Variants in MRRF observed in about 807,000 individuals in gnomAD.
MRRF encodes mitochondrial ribosome recycling factor.
Under a neutral mutation model 25.1 loss-of-function variants are expected in MRRF, and 18 were observed. The ratio of observed to expected loss-of-function variants is 0.72; its 90% CI spans 0.50 to 1.06. The LOEUF (loss-of-function observed/expected upper bound fraction) is 1.06. MRRF is among the 50% of genes least tolerant of loss of function. The pLI, the probability that MRRF is intolerant of heterozygous loss-of-function variation, is 0.00. For synonymous variants in MRRF, 113 were observed against 112.1 expected (o/e 1.01, Z -0.05); for missense variants, 323 against 319.3 (o/e 1.01, Z -0.09).
intron 4 of MRRF, among the ~76,000 whole-genome samples, chr9:122,290,035 C>T (rs1833659262): frequency 6.9e-6 from 1 of 145,118 alleles, no homozygotes. Context: ...GCCTGAGTGA[C>T]AGAGTGAGAC....
At position 122,327,967 on chromosome 9, in the gene MRRF, C is replaced by T. The variant is rs186746604; in HGVS notation, c.*5350C>T. ...TTGTAAAATATACATAAAATTTACT[C>T]TCTTAACCATGTTTTTTTTTTAGAC... On this transcript the variant is annotated 3_prime_UTR_variant, in exon 7 of 7. Coordinates refer to ENST00000344641, the MANE Select transcript of MRRF (RefSeq NM_138777.5). 2 of 150,566 alleles carry T rather than the reference C, an allele frequency of 1.3e-5. No individual in the cohort carries two copies. The highest frequency in any genetic ancestry group is 1.3e-4 in the Admixed American group (2 of 15,064). 9.3% of individuals were successfully genotyped at this position (150,566 alleles called of 1,614,324 possible). A position where few individuals can be genotyped will look rare whatever the true frequency, so the allele number is the denominator to read the frequency against.
chr9:122,276,489 T>C (rs1832784106), intron 2 of MRRF, among the ~76,000 whole-genome samples: 1 of 152,216 alleles, frequency 6.6e-6, no homozygotes. Context: ...TTTATTATGG[T>C]CATTTCTCAA....
chr9:122,273,724 A>G (rs1832607168), intron 2 of MRRF, among the ~76,000 whole-genome samples: 1 of 152,202 alleles, frequency 6.6e-6, no homozygotes, highest in South Asian at 2.1e-4. Context: ...TCTCACTGTA[A>G]GGATAGATAA....
At chr9:122,297,471 TA>T (rs948623914) in intron 5 of MRRF, among the ~76,000 whole-genome samples, 19 of 146,916 alleles carry the variant, frequency 1.3e-4, no homozygotes, top group Non-Finnish European at 2.0e-4. Flanking sequence ...GTTCTGTACC[TA>T]AAAAAAAAAA....
intron 2 of MRRF, among the ~76,000 whole-genome samples, chr9:122,275,083 CAT>C (rs771313227): frequency 4.0e-5 from 6 of 149,236 alleles, no homozygotes; most frequent in African/African-American, 9.9e-5. Context: ...CATTATCTTA[CAT>C]AGTTACCTCC....
At chr9:122,268,556 C>T (rs575595970) in intron 1 of MRRF, among the ~76,000 whole-genome samples, 11 of 152,330 alleles carry the variant, frequency 7.2e-5, no homozygotes, top group Non-Finnish European at 1.3e-4. Context: ...TGGCTATTAG[C>T]TCCATGTCCT....
intron 2 of MRRF, among the ~76,000 whole-genome samples, chr9:122,275,017 A>G (rs1024226079): frequency 3.3e-5 from 5 of 150,010 alleles, no homozygotes; most frequent in Non-Finnish European, 7.4e-5. Flanking sequence ...TATTATAAAC[A>G]TGATGCTTTG....
At chr9:122,322,282 G>A (rs1263961264) in intron 6 of MRRF, among the ~76,000 whole-genome samples, 1 of 151,850 alleles carries the variant, frequency 6.6e-6, no homozygotes, top group African/African-American at 2.4e-5. Context: ...AGAATGGCGT[G>A]AACACAGGAG....
chr9:122,285,607 G>A (rs147379144), intron 4 of MRRF: 13 of 484,006 alleles, frequency 2.7e-5, no homozygotes, highest in African/African-American at 2.2e-4. Context: ...CCTTGTGTGA[G>A]TGGAATGCCT....
chr9:122,291,599 A>C (rs1336081864), intron 4 of MRRF, 150 bp from the exon 5 acceptor site: 1 of 694,302 alleles, frequency 1.4e-6, no homozygotes. Context: ...TGATCAAAGC[A>C]CTCTACACCA....
intron 1 of MRRF, among the ~76,000 whole-genome samples, chr9:122,266,955 A>T (rs1368352384): frequency 6.6e-6 from 1 of 151,872 alleles, no homozygotes; most frequent in Non-Finnish European, 1.5e-5. Context: ...CTGTAATCCC[A>T]GCTATTTGGG....
At chr9:122,297,826 T>A (rs1260588670) in intron 5 of MRRF, among the ~76,000 whole-genome samples, 1 of 152,146 alleles carries the variant, frequency 6.6e-6, no homozygotes, top group African/African-American at 2.4e-5. Context: ...CAGAAAACCA[T>A]CTGCAACACA....
At chr9:122,279,530 CAG>C (rs1832969278) in intron 2 of MRRF, among the ~76,000 whole-genome samples, 1 of 152,156 alleles carries the variant, frequency 6.6e-6, no homozygotes, top group Non-Finnish European at 1.5e-5. Context: ...AATGAATAAA[CAG>C]TGTAAATATT....
At chr9:122,284,812 A>C (rs557350120) in intron 3 of MRRF, among the ~76,000 whole-genome samples, 2 of 152,260 alleles carry the variant, frequency 1.3e-5, no homozygotes, top group East Asian at 1.9e-4. Context: ...TTGAGACAAG[A>C]TCTCACTCTG....
chr9:122,304,415 T>C (rs1834700619), intron 5 of MRRF, among the ~76,000 whole-genome samples: 1 of 152,206 alleles, frequency 6.6e-6, no homozygotes, highest in South Asian at 2.1e-4. Flanking sequence ...AGGTCCCAAG[T>C]GTGTGGAATG....
chr9:122,272,005 T>C (rs1832492338), intron 2 of MRRF, among the ~76,000 whole-genome samples: 1 of 152,234 alleles, frequency 6.6e-6, no homozygotes, highest in African/African-American at 2.4e-5. Context: ...AGAAGAGTTA[T>C]ATTCTGTTAA....
Position 122,280,312 on chromosome 9 carries a change from G to C in MRRF, c.185-131G>C, listed in dbSNP as rs1168589727. The C allele has an allele frequency of 3.1e-6, 3 of 971,758 alleles. No individual in the cohort carries two copies. The African/African-American group carries it at 4.9e-5, about 16-fold the overall frequency. 60.2% of individuals were successfully genotyped at this position (971,758 alleles called of 1,614,324 possible). ...CAGTTAATATAGGCTCTTTTTTAGT[G>C]GAGCGATAATGTTTTATAATTTTCT... On this transcript the variant is annotated intron_variant, in intron 2 of 6. Transcript: ENST00000344641.
At chr9:122,297,832 A>G (rs1048502651) in intron 5 of MRRF, among the ~76,000 whole-genome samples, 20 of 152,204 alleles carry the variant, frequency 1.3e-4, no homozygotes, top group African/African-American at 3.6e-4. Flanking sequence ...ACCATCTGCA[A>G]CACACCCAAG....
chr9:122,270,730 A>T, intron 1 of MRRF, 134 bp from the exon 2 acceptor site: 1 of 712,542 alleles, frequency 1.4e-6, no homozygotes, highest in South Asian at 1.5e-5. Flanking sequence ...AGGATTAGAG[A>T]TAATGTATTT....
Sources: gnomAD v4.1 joint callset for allele counts (sites outside exome capture counted in the v4.1 genomes callset) on GRCh38, gnomAD v4.1.1 for gene constraint, MANE v1.5 for transcripts, NCBI Gene and HGNC (gene_info 2026-07-23, HGNC 2026-07-21) for gene names.